The following TENM2 variants were observed in gnomAD, a reference collection of about 807,000 sequenced individuals.
TENM2 encodes the protein teneurin-2.
In TENM2, 52 loss-of-function variants were observed where a neutral mutation model predicts 245.2. That is an observed-to-expected ratio of 0.21 (90% confidence interval 0.17 to 0.27). TENM2 has a LOEUF of 0.27. Ranked by LOEUF, TENM2 falls within the 10% of genes least tolerant of loss-of-function variation. TENM2 has a pLI of 1.00. For synonymous variants in TENM2, 1,363 were observed against 1,438.9 expected (o/e 0.95, Z 1.19); for missense variants, 3,046 against 3,666.8 (o/e 0.83, Z 4.37).
At chr5:167,350,767 T>TATATATATGGGATATATACATACGG (rs1758826375) in intron 1 of TENM2, among the ~76,000 whole-genome samples, 2 of 143,072 alleles carry the variant, frequency 1.4e-5, no homozygotes, top group African/African-American at 2.6e-5. Flanking sequence ...CATATGGATA[T>TATATATATGGGATATATACATACGG]ATATATATGG....
intron 2 of TENM2, among the ~76,000 whole-genome samples, chr5:167,824,749 G>A (rs1767816683): frequency 6.6e-6 from 1 of 152,192 alleles, no homozygotes; most frequent in Non-Finnish European, 1.5e-5. Context: ...CGTAAGGAAA[G>A]TGAGGGTTGA....
chr5:167,302,587 G>A (rs1243284489), intron 1 of TENM2, among the ~76,000 whole-genome samples: 1 of 151,706 alleles, frequency 6.6e-6, no homozygotes, highest in Non-Finnish European at 1.5e-5. Flanking sequence ...ATGGGGCACA[G>A]AGATAAGAGG....
intron 2 of TENM2, among the ~76,000 whole-genome samples, chr5:167,612,605 T>C (rs11134466): frequency 0.53 from 81,192 of 152,000 alleles, 24,759 homozygotes; most frequent in Middle Eastern, 0.7. Context: ...ATTTGAAATA[T>C]GTCAGATAGC....
intron 2 of TENM2, among the ~76,000 whole-genome samples, chr5:167,515,956 A>G (rs942888255): frequency 6.6e-6 from 1 of 152,106 alleles, no homozygotes; most frequent in Non-Finnish European, 1.5e-5. Context: ...TGTCTATTTG[A>G]TGAACTCTCT....
At chr5:168,042,700 A>C (rs906953064) in intron 5 of TENM2, among the ~76,000 whole-genome samples, 4 of 152,156 alleles carry the variant, frequency 2.6e-5, no homozygotes, top group Non-Finnish European at 5.9e-5. Flanking sequence ...CTTCAATAAG[A>C]AAATATCACA....
chr5:167,807,142 AAAAAAAAAAAAAAAG>A (rs1766250624), intron 2 of TENM2, among the ~76,000 whole-genome samples: 2 of 148,426 alleles, frequency 1.3e-5, no homozygotes, highest in Admixed American at 6.7e-5. Context: ...AAAAAAAAAA[AAAAAAAAAAAAAAAG>A]AAGAAGAAGA....
At chr5:167,465,822 C>T (rs983349523) in intron 2 of TENM2, among the ~76,000 whole-genome samples, 3 of 130,722 alleles carry the variant, frequency 2.3e-5, no homozygotes, top group Admixed American at 7.6e-5. Flanking sequence ...CAGAGTGAGA[C>T]TGTCTCAAAA....
chr5:168,190,571 A>G, intron 14 of TENM2, 24 bp downstream of exon 16: 2 of 1,593,428 alleles, frequency 1.3e-6, no homozygotes, highest in Non-Finnish European at 1.7e-6. Context: ...GTCCCTGCAA[A>G]CTCCTGAAGT....
chr5:167,967,311 C>T (rs1216436568), intron 4 of TENM2, among the ~76,000 whole-genome samples: 1 of 152,206 alleles, frequency 6.6e-6, no homozygotes, highest in African/African-American at 2.4e-5. Context: ...GTCTAATCCA[C>T]TGCTCTGTAA....
intron 2 of TENM2, among the ~76,000 whole-genome samples, chr5:167,556,991 T>C (rs368692522): frequency 1.3e-5 from 2 of 152,208 alleles, no homozygotes; most frequent in Admixed American, 6.5e-5. Flanking sequence ...GCACATTTCT[T>C]TATTTAAAAT....
At chr5:167,233,933 G>A in the TENM2 span, among the ~76,000 whole-genome samples, 4 of 141,722 alleles carry the variant, frequency 2.8e-5, no homozygotes, top group African/African-American at 1.1e-4. Flanking sequence ...AAAAAAGGAT[G>A]AAAATAATAA....
At chr5:168,115,610 T>C (rs542099074) in intron 9 of TENM2, among the ~76,000 whole-genome samples, 4 of 152,216 alleles carry the variant, frequency 2.6e-5, no homozygotes, top group African/African-American at 9.6e-5. Context: ...CTATAACCCT[T>C]AGGTCAGAGA....
At chr5:168,237,064 G>C (rs1159704158) in intron 25 of TENM2, among the ~76,000 whole-genome samples, 1 of 115,628 alleles carries the variant, frequency 8.6e-6, no homozygotes, top group African/African-American at 3.4e-5. Flanking sequence ...CACCCAGGCT[G>C]GAGTGCAGTG....
intron 6 of TENM2, among the ~76,000 whole-genome samples, chr5:168,049,376 G>A (rs1249683558): frequency 2.0e-5 from 3 of 152,148 alleles, no homozygotes; most frequent in Admixed American, 2.0e-4. Flanking sequence ...ACACACATGT[G>A]AAATGAATAT....
At chr5:167,280,415 A>G (rs1419146964), upstream of TENM2, among the ~76,000 whole-genome samples, 1 of 152,172 alleles carries the variant, frequency 6.6e-6, no homozygotes, top group Non-Finnish European at 1.5e-5. Context: ...CACCCTGTGA[A>G]GAGGAGAGCT....
At chr5:167,198,964 T>C in the TENM2 span, among the ~76,000 whole-genome samples, 1 of 151,948 alleles carries the variant, frequency 6.6e-6, no homozygotes, top group African/African-American at 2.4e-5. Context: ...AATAGATGCC[T>C]GATTTAAAAC....
chr5:167,499,957 T>C (rs1016613249), intron 2 of TENM2, among the ~76,000 whole-genome samples: 3 of 144,646 alleles, frequency 2.1e-5, no homozygotes, highest in Non-Finnish European at 3.0e-5. Flanking sequence ...TGTGTGTATG[T>C]ACGTGTATGT....
chr5:167,960,470 C>T (rs1162315091), intron 4 of TENM2, among the ~76,000 whole-genome samples: 1 of 152,234 alleles, frequency 6.6e-6, no homozygotes, highest in Non-Finnish European at 1.5e-5. Flanking sequence ...CCAGTCTGAA[C>T]TTCCCAGTGG....
intron 2 of TENM2, among the ~76,000 whole-genome samples, chr5:167,686,088 G>T (rs543368474): frequency 6.6e-6 from 1 of 152,334 alleles, no homozygotes; most frequent in East Asian, 1.9e-4. Context: ...GCTTAGGCTA[G>T]TGTCTGACAC....
Sources: gnomAD v4.1 joint callset for allele counts (sites outside exome capture counted in the v4.1 genomes callset) on GRCh38, gnomAD v4.1.1 for gene constraint, MANE v1.5 for transcripts, NCBI Gene and HGNC (gene_info 2026-07-23, HGNC 2026-07-21) for gene names.